SPINK5: variants seen among roughly 807,000 people sequenced by gnomAD.
SPINK5 encodes the protein serine peptidase inhibitor Kazal type 5, also known as serine protease inhibitor Kazal-type 5.
A neutral mutation model predicts 151.8 loss-of-function variants in SPINK5; 125 were observed. The ratio of observed to expected loss-of-function variants is 0.82; its 90% confidence interval spans 0.71 to 0.96. The LOEUF (loss-of-function observed/expected upper bound fraction) is 0.96, where lower values mean the gene tolerates loss of function less well. Among genes scored for constraint, SPINK5 ranks in the 40% least tolerant of loss-of-function variants. The probability of loss-of-function intolerance (pLI) is 0.00; values close to 1 mark genes in which losing one functional copy is unlikely to be tolerated. For missense variants in SPINK5, 1,194 were observed against 1,291.9 expected, an observed-to-expected ratio of 0.92 and a Z score of 1.16; for synonymous variants, 374 against 395.3, an observed-to-expected ratio of 0.95 and a Z score of 0.64.
intron 11 of SPINK5, among the ~76,000 whole-genome samples, chr5:148,098,266 A>C (rs1581077992): frequency 6.6e-6 from 1 of 152,142 alleles, no homozygotes; most frequent in East Asian, 1.9e-4. Flanking sequence ...TTACTCCTGA[A>C]ACTTCACACG....
At chr5:148,070,236 CAT>C (rs953557395) in intron 2 of SPINK5, 85 bp from the exon 3 acceptor site, 3 of 1,432,760 alleles carry the variant, frequency 2.1e-6, no homozygotes, top group South Asian at 2.4e-5. Flanking sequence ...TATATGCAGA[CAT>C]ATACATATAT....
In SPINK5 at chr5:148,114,270, C is replaced by CT. The variant is rs56820817; in HGVS notation, c.1888-80dup. 53,317 of 1,236,544 alleles carry CT rather than the reference C, an allele frequency of 0.043. 302 individuals carry two copies. Among genetic ancestry groups the CT allele is most frequent in the African/African-American group, 0.11 (7,188 of 62,862 alleles). The allele number at this position is 1,236,544 out of a possible 1,614,324, so 76.6% of individuals were successfully genotyped here. A position where few individuals can be genotyped will look rare whatever the true frequency, so the allele number is the denominator to read the frequency against. On this transcript the variant is annotated intron_variant, in intron 20 of 32. Coordinates refer to ENST00000256084, the MANE Select transcript of SPINK5 (RefSeq NM_006846.4). ...AAAATTCTCAGGTCATTTTCTCTCT[C>CT]TTTTTTTTTTTTCTATAAAGCACTT...
chr5:148,123,511 CAATATATGTGTATATA>C (rs1301012756), intron 26 of SPINK5, among the ~76,000 whole-genome samples: 6 of 53,438 alleles, frequency 1.1e-4, no homozygotes, highest in Middle Eastern at 7.8e-3. Context: ...TGCAGTGGTG[CAATATATGTGTATATA>C]TATATATATA....
chr5:148,081,293 C>A (rs1412317151), intron 4 of SPINK5, among the ~76,000 whole-genome samples: 1 of 151,552 alleles, frequency 6.6e-6, no homozygotes, highest in Non-Finnish European at 1.5e-5. Context: ...AATACAGGTC[C>A]ATAGAAAGTC....
chr5:148,118,510 G>T lies in SPINK5; in HGVS notation c.2186G>T (p.Arg729Leu), dbSNP rs1429837681. 1 of 1,614,116 alleles carries T rather than the reference G, an allele frequency of 6.2e-7. No homozygotes were observed. The highest frequency in any genetic ancestry group is 8.5e-7 in the Non-Finnish European group (1 of 1,180,004). The change falls in exon 23 of 33, where the codon CGT becomes CTT. Residue 729 changes from arginine (R) to leucine (L), a missense_variant. Arg to Leu is a moderately radical substitution (Grantham distance 102). Transcript: ENST00000256084. ...TGTACTCGGGAGAGTGATCCTGTACGTGATGCTGATGGCAAATCGTACAAC... is the reference window on the plus strand; with the variant it reads ...TGTACTCGGGAGAGTGATCCTGTACTTGATGCTGATGGCAAATCGTACAAC... ...LSCTRESDPV[R>L]DADGKSYNNQ...
chr5:148,125,598 T>C, intron 28 of SPINK5, 125 bp from the exon 29 acceptor site: 1 of 1,614,144 alleles, frequency 6.2e-7, no homozygotes, highest in South Asian at 1.1e-5. Context: ...TGGCCTCTGT[T>C]GCCAGGATGA....
At chr5:148,114,270 C>CTT (rs56820817) in intron 20 of SPINK5, 92 bp from the exon 21 acceptor site, 709 of 1,264,444 alleles carry the variant, frequency 5.6e-4, no homozygotes, top group African/African-American at 1.7e-3. Context: ...TTTTCTCTCT[C>CTT]TTTTTTTTTT....
chr5:148,080,161 G>A lies in SPINK5; in HGVS notation c.283-6244G>A, dbSNP rs534817468. Among the ~76,000 whole-genome samples the A allele has an allele frequency of 1.4e-3, 205 of 151,286 alleles. 1 individual carries two copies. Among genetic ancestry groups the A allele is most frequent in the Non-Finnish European group, 2.3e-3 (156 of 67,400 alleles). ...TTTCATTCACGATAGCATAAAAAAT[G>A]TGGAAATGAATTTAACAAAATGAGT... On this transcript the variant is annotated intron_variant, in intron 4 of 32. Transcript: ENST00000256084.
intron 4 of SPINK5, among the ~76,000 whole-genome samples, chr5:148,073,706 C>A (rs1251434640): frequency 6.6e-6 from 1 of 151,262 alleles, no homozygotes; most frequent in Admixed American, 6.6e-5. Flanking sequence ...TTAGATGTTT[C>A]CATATGTAGA....
In SPINK5 at chr5:148,123,877, T is replaced by C; in HGVS notation, c.2583T>C (p.Leu861=). ...GAAGCATGCAGAGAAATGGAAAGCTTATCTGCACCAGAGAAAATAACCCTG... is the reference window on the plus strand; with the variant it reads ...GAAGCATGCAGAGAAATGGAAAGCTCATCTGCACCAGAGAAAATAACCCTG... ...EFRSMQRNGK[L]ICTRENNPVR... Residue 861 remains leucine (L), a synonymous_variant, in exon 27 of 33, where the codon CTT becomes CTC. Transcript: ENST00000256084. 2 of 1,614,048 alleles carry C rather than the reference T, an allele frequency of 1.2e-6. No homozygotes were observed. The highest frequency in any genetic ancestry group is 1.7e-6 in the Non-Finnish European group (2 of 1,179,994).
intron 6 of SPINK5, 136 bp downstream of exon 6, chr5:148,088,741 T>G: frequency 1.2e-6 from 1 of 817,840 alleles, no homozygotes; most frequent in Admixed American, 2.2e-5. Flanking sequence ...GAATACCCAG[T>G]ACTGCCCACT....
At chr5:148,121,237 A>G (rs1754256250) in intron 26 of SPINK5, among the ~76,000 whole-genome samples, 1 of 151,674 alleles carries the variant, frequency 6.6e-6, no homozygotes, top group Non-Finnish European at 1.5e-5. Context: ...ATTGCCACCT[A>G]GTGTTCAGTT....
At chr5:148,128,509 A>ATTATTTATTTATTTAT (rs548462479) in intron 30 of SPINK5, among the ~76,000 whole-genome samples, 1 of 151,910 alleles carries the variant, frequency 6.6e-6, no homozygotes, top group African/African-American at 2.4e-5. Flanking sequence ...TTTTCCAGGC[A>ATTATTTATTTATTTAT]TTATTTATTT....
At chr5:148,121,779 G>C (rs1754272897) in intron 26 of SPINK5, among the ~76,000 whole-genome samples, 1 of 150,800 alleles carries the variant, frequency 6.6e-6, no homozygotes, top group African/African-American at 2.4e-5. Flanking sequence ...GCAACATAGT[G>C]AGACCCTGTC....
At chr5:148,100,258 ATG>A in intron 12 of SPINK5, among the ~76,000 whole-genome samples, 194 bp from the exon 13 acceptor site, 2 of 152,060 alleles carry the variant, frequency 1.3e-5, no homozygotes, top group Non-Finnish European at 2.9e-5. Context: ...ACATTGTGCT[ATG>A]TTTTATTTTT....
At chr5:148,081,616 G>A (rs1753023017) in intron 4 of SPINK5, among the ~76,000 whole-genome samples, 1 of 151,488 alleles carries the variant, frequency 6.6e-6, no homozygotes, top group South Asian at 2.1e-4. Context: ...CTGGAGGTGG[G>A]GGCTGGATAT....
At chr5:148,117,320 A>G (rs1581098946) in intron 22 of SPINK5, among the ~76,000 whole-genome samples, 1 of 152,272 alleles carries the variant, frequency 6.6e-6, no homozygotes, top group South Asian at 2.1e-4. Flanking sequence ...CTTGTTCATA[A>G]CTTGGTCAAA....
chr5:148,130,322 A>T (rs992091245), intron 30 of SPINK5, among the ~76,000 whole-genome samples: 3 of 151,840 alleles, frequency 2.0e-5, no homozygotes, highest in African/African-American at 7.2e-5. Context: ...CCTTTTACTT[A>T]TAAATATATT....
intron 10 of SPINK5, among the ~76,000 whole-genome samples, chr5:148,096,752 CTTTT>C (rs775398655): frequency 7.7e-6 from 1 of 130,078 alleles, no homozygotes; most frequent in Admixed American, 7.7e-5. Flanking sequence ...CTTTTCTTTT[CTTTT>C]TTTTTTTAAG....
Sources: allele counts gnomAD v4.1 joint callset (sites outside exome capture counted in the v4.1 genomes callset), GRCh38; gene constraint gnomAD v4.1.1; transcripts MANE v1.5; gene names NCBI Gene and HGNC (gene_info 2026-07-23, HGNC 2026-07-21).